The following PCDHGA8 variants were observed in gnomAD, a reference collection of about 807,000 sequenced individuals.
The protein encoded by PCDHGA8 is protocadherin gamma subfamily A, 8.
Under a neutral mutation model 59.2 loss-of-function variants are expected in PCDHGA8, and 45 were observed. The observed-to-expected ratio is 0.76, with a 90% CI of 0.60 to 0.98. PCDHGA8 has a LOEUF of 0.98. Ranked by LOEUF, PCDHGA8 falls within the 50% of genes least tolerant of loss-of-function variation. PCDHGA8 has a pLI of 0.00. For synonymous variants in PCDHGA8, 531 were observed against 519.0 expected (o/e 1.02, Z -0.32); for missense variants, 1,257 against 1,196.2 (o/e 1.05, Z -0.75).
chr5:141,433,305 C>T, intron 1 of PCDHGA8: 1 of 931,032 alleles, frequency 1.1e-6, no homozygotes, highest in Non-Finnish European at 1.6e-6. Flanking sequence ...GCAATTATCC[C>T]ACCTTTGCCT....
rs2093129787 is a variant in PCDHGA8 at position 141,394,928 on chromosome 5, C to T, written c.2115C>T (p.Leu705=). Residue 705 remains leucine (L), a synonymous_variant, in exon 1 of 4, where the codon CTC becomes CTT. Coordinates refer to ENST00000398604, the MANE Select transcript of PCDHGA8 (RefSeq NM_032088.2). ...VAVAAISCVF[L]AFVAVLLGLR... ...TGGCTGCCATCTCCTGTGTCTTCCT[C>T]GCCTTTGTCGCTGTGCTTCTGGGGC... The T allele has an allele frequency of 7.4e-6, 12 of 1,613,838 alleles. No individual in the cohort carries two copies. Among genetic ancestry groups the T allele is most frequent in the Non-Finnish European group, 1.0e-5 (12 of 1,179,884 alleles).
At chr5:141,400,161 T>A (rs1271912348) in intron 1 of PCDHGA8, 1 of 1,614,084 alleles carries the variant, frequency 6.2e-7, no homozygotes, top group South Asian at 1.1e-5. Flanking sequence ...CTGTACCCTC[T>A]GACCCCCAGG....
intron 1 of PCDHGA8, among the ~76,000 whole-genome samples, chr5:141,405,666 C>T (rs752033736): frequency 3.3e-5 from 5 of 152,198 alleles, no homozygotes; most frequent in Admixed American, 6.5e-5. Flanking sequence ...TTAGTAGAGA[C>T]GGGGTGTCAC....
Position 141,485,954 on chromosome 5 carries a change from C to T in PCDHGA8, c.2425-8853C>T, listed in dbSNP as rs2154580519. The T allele has an allele frequency of 6.2e-7, 1 of 1,614,190 alleles. No individual in the cohort carries two copies. The highest frequency in any genetic ancestry group is 8.5e-7 in the Non-Finnish European group (1 of 1,180,038). ...GGAGAGCGCACCAGCGGGCATGGTG[C>T]TCATCCAGCTCAATGCCTCAGACCC... On this transcript the variant is annotated intron_variant, in intron 1 of 3. Coordinates refer to ENST00000398604, the MANE Select transcript of PCDHGA8 (RefSeq NM_032088.2). The surrounding 1 kb of genome is among the most constrained non-coding windows in gnomAD (Gnocchi z 5.7).
chr5:141,438,601 T>C (rs2098005462), intron 1 of PCDHGA8, among the ~76,000 whole-genome samples: 6 of 26,284 alleles, frequency 2.3e-4, no homozygotes, highest in African/African-American at 1.3e-3. Flanking sequence ...CATATATATA[T>C]ATATATATAT....
intron 2 of PCDHGA8, among the ~76,000 whole-genome samples, chr5:141,504,422 T>G (rs1375202110): frequency 6.6e-6 from 1 of 152,078 alleles, no homozygotes; most frequent in Admixed American, 6.6e-5. Context: ...AGACAGGCAC[T>G]ACAACAGCTG....
chr5:141,455,314 T>G (rs565911988), intron 1 of PCDHGA8, among the ~76,000 whole-genome samples: 15 of 152,208 alleles, frequency 9.9e-5, no homozygotes, highest in African/African-American at 3.4e-4. Flanking sequence ...ATTAGCAATT[T>G]TGTGTGTGTG....
At chr5:141,461,826 T>G (rs1466528519) in intron 1 of PCDHGA8, among the ~76,000 whole-genome samples, 2 of 151,912 alleles carry the variant, frequency 1.3e-5, no homozygotes, top group Non-Finnish European at 1.5e-5. Flanking sequence ...GCTAATTTTT[T>G]TTTCTTTTTT....
At chr5:141,435,447 A>C (rs2097764160) in intron 1 of PCDHGA8, among the ~76,000 whole-genome samples, 1 of 152,168 alleles carries the variant, frequency 6.6e-6, no homozygotes, top group Non-Finnish European at 1.5e-5. Context: ...CATTAATACG[A>C]TATCTGTATG....
Position 141,469,939 on chromosome 5 carries a change from T to G in PCDHGA8, c.2425-24868T>G, listed in dbSNP as rs1376169822. Among the ~76,000 whole-genome samples, 3 of 152,186 alleles carry G rather than the reference T, an allele frequency of 2.0e-5. No individual in the cohort carries two copies. The East Asian group carries it at 5.8e-4, about 29-fold the overall frequency. On this transcript the variant is annotated intron_variant, in intron 1 of 3. Transcript: ENST00000398604. ...CGAGGTCAGGAGTTTGAGACCAGCC[T>G]GGCCAGCATGGTGAAACCCCATCTG...
At chr5:141,451,050 G>A (rs915545429) in intron 1 of PCDHGA8, among the ~76,000 whole-genome samples, 6 of 151,352 alleles carry the variant, frequency 4.0e-5, no homozygotes, top group South Asian at 4.2e-4. Flanking sequence ...GGCTGGTCTC[G>A]AACTCCTGAC....
chr5:141,469,510 G>T (rs1022804863), intron 1 of PCDHGA8, among the ~76,000 whole-genome samples: 3 of 152,118 alleles, frequency 2.0e-5, no homozygotes, highest in African/African-American at 7.2e-5. Context: ...GGGAGGTGGA[G>T]GTTGCAGTGA....
Position 141,417,842 on chromosome 5 carries a change from C to A in PCDHGA8, c.2424+22605C>A, listed in dbSNP as rs1247720013. 3 of 1,537,164 alleles carry A rather than the reference C, an allele frequency of 2.0e-6. No homozygotes were observed. The South Asian group carries it at 3.6e-5, about 19-fold the overall frequency. Reference sequence around the variant, plus strand: ...TCCAACTGGAAAAGCGGGGACCCAGCGAGAACCCGAGCGAACGATGGGAGG... The same window carrying A: ...TCCAACTGGAAAAGCGGGGACCCAGAGAGAACCCGAGCGAACGATGGGAGG... On this transcript the variant is annotated intron_variant, in intron 1 of 3. Transcript: ENST00000398604.
chr5:141,433,176 T>A, intron 1 of PCDHGA8: 1 of 1,610,288 alleles, frequency 6.2e-7, no homozygotes, highest in Non-Finnish European at 8.5e-7. Flanking sequence ...AGTCATGGGT[T>A]AATTGAGGTG....
intron 1 of PCDHGA8, chr5:141,415,634 C>T: frequency 6.3e-7 from 1 of 1,589,948 alleles, no homozygotes; most frequent in East Asian, 2.3e-5. Flanking sequence ...TTCATTTTTA[C>T]TTTTGTTAAA....
At chr5:141,408,353 G>A (rs1218585930) in intron 1 of PCDHGA8, 1 of 1,613,816 alleles carries the variant, frequency 6.2e-7, no homozygotes, top group Non-Finnish European at 8.5e-7. Flanking sequence ...GGGGAACCTC[G>A]CTAAGGATCT....
intron 1 of PCDHGA8, chr5:141,409,054 T>TA: frequency 6.2e-7 from 1 of 1,614,028 alleles, no homozygotes; most frequent in African/African-American, 1.3e-5. Flanking sequence ...TCCGAAGCAC[T>TA]GCCCAGAGCA....
intron 1 of PCDHGA8, among the ~76,000 whole-genome samples, chr5:141,405,721 A>G (rs1295046106): frequency 1.3e-5 from 2 of 151,702 alleles, no homozygotes; most frequent in African/African-American, 4.8e-5. Context: ...CAAGTGATCC[A>G]CCCACCTCAG....
rs758013542 is a variant in PCDHGA8 at position 141,418,314 on chromosome 5, C to A, written c.2424+23077C>A. 9 of 1,613,988 alleles carry A rather than the reference C, an allele frequency of 5.6e-6. No homozygotes were observed. In the East Asian group the frequency reaches 1.3e-4, roughly 24 times the overall value. On this transcript the variant is annotated intron_variant, in intron 1 of 3. Coordinates refer to ENST00000398604, the MANE Select transcript of PCDHGA8 (RefSeq NM_032088.2). ...GAATCCGTCAGCCTGGGGATGGGAACAATTCTTGAGTCTGCAGAAGATCCT... is the reference window on the plus strand; with the variant it reads ...GAATCCGTCAGCCTGGGGATGGGAAAAATTCTTGAGTCTGCAGAAGATCCT...
Sources: gnomAD v4.1 joint callset for allele counts (sites outside exome capture counted in the v4.1 genomes callset) on GRCh38, gnomAD v4.1.1 for gene constraint, Gnocchi (gnomAD v3.1) non-coding constraint, MANE v1.5 for transcripts, NCBI Gene and HGNC (gene_info 2026-07-23, HGNC 2026-07-21) for gene names.